Variants in AGO3 observed in about 807,000 individuals in gnomAD.
AGO3 encodes protein argonaute-3.
In AGO3, 16 loss-of-function variants were observed where a neutral mutation model predicts 105.5. That is an observed-to-expected ratio of 0.15 (90% confidence interval 0.10 to 0.23). AGO3 has a LOEUF of 0.23. AGO3 is among the 10% of genes least tolerant of loss of function. The pLI, the probability that AGO3 is intolerant of heterozygous loss-of-function variation, is 1.00. For synonymous variants in AGO3, 340 were observed against 367.3 expected, an observed-to-expected ratio of 0.93 and a Z score of 0.85; for missense variants, 534 against 1,088.0, an observed-to-expected ratio of 0.49 and a Z score of 7.16.
At chr1:35,947,925 C>G (rs748062223) in intron 2 of AGO3, among the ~76,000 whole-genome samples, 2 of 152,106 alleles carry the variant, frequency 1.3e-5, no homozygotes, top group African/African-American at 4.8e-5. Context: ...TTAGCTGAGC[C>G]ATGGGCCTGT....
At chr1:35,985,246 T>G (rs1271727856) in intron 5 of AGO3, among the ~76,000 whole-genome samples, 1 of 152,124 alleles carries the variant, frequency 6.6e-6, no homozygotes, top group Non-Finnish European at 1.5e-5. Context: ...CTCACCACTG[T>G]ACTCCAGCCT....
At chr1:36,018,719 C>T (rs1419088143) in intron 11 of AGO3, among the ~76,000 whole-genome samples, 4 of 152,282 alleles carry the variant, frequency 2.6e-5, no homozygotes, top group East Asian at 3.9e-4. Context: ...GCATGAGCCA[C>T]CACACCTGGC....
chr1:36,029,578 A>G (rs556914678), intron 12 of AGO3, among the ~76,000 whole-genome samples: 2 of 151,516 alleles, frequency 1.3e-5, no homozygotes, highest in African/African-American at 4.8e-5. Flanking sequence ...TGTATTTTTT[A>G]GTAGAGACAG....
intron 17 of AGO3, among the ~76,000 whole-genome samples, chr1:36,046,373 C>T (rs1642469707): frequency 6.6e-6 from 1 of 152,136 alleles, no homozygotes; most frequent in Admixed American, 6.6e-5. Flanking sequence ...GCACCTGTTA[C>T]ACCTTGTGCC....
At chr1:35,977,493 A>G (rs1489894614) in intron 5 of AGO3, among the ~76,000 whole-genome samples, 1 of 150,970 alleles carries the variant, frequency 6.6e-6, no homozygotes, top group African/African-American at 2.4e-5. Flanking sequence ...CCCAGGGTCA[A>G]GCGATCTTCC....
At chr1:36,018,667 G>T (rs1641043309) in intron 11 of AGO3, among the ~76,000 whole-genome samples, 1 of 152,136 alleles carries the variant, frequency 6.6e-6, no homozygotes, top group Admixed American at 6.5e-5. Flanking sequence ...TCCTGACCTC[G>T]TGATTCACCC....
chr1:36,014,163 ATT>A (rs762002662), intron 11 of AGO3, 115 bp downstream of exon 11: 2,854 of 1,123,412 alleles, frequency 2.5e-3, no homozygotes, highest in Middle Eastern at 3.4e-3. Flanking sequence ...TCACTGAACC[ATT>A]TTTTTTTTTT....
intron 1 of AGO3, among the ~76,000 whole-genome samples, chr1:35,937,789 T>C (rs1437780634): frequency 6.6e-6 from 1 of 152,134 alleles, no homozygotes; most frequent in Non-Finnish European, 1.5e-5. Flanking sequence ...ATGAGCCTAA[T>C]AATAAGTGCG....
chr1:35,935,753 C>A (rs1290295996), intron 1 of AGO3, among the ~76,000 whole-genome samples: 1 of 152,172 alleles, frequency 6.6e-6, no homozygotes, highest in African/African-American at 2.4e-5. Flanking sequence ...ATATAGCCAT[C>A]TAGTTTCACA....
chr1:35,971,522 A>G (rs1646870864), intron 3 of AGO3, among the ~76,000 whole-genome samples: 1 of 151,930 alleles, frequency 6.6e-6, no homozygotes, highest in Non-Finnish European at 1.5e-5. Context: ...AAAGTATACC[A>G]AAACATATAC....
At chr1:35,988,466 A>G (rs1647318119) in intron 5 of AGO3, among the ~76,000 whole-genome samples, 1 of 152,046 alleles carries the variant, frequency 6.6e-6, no homozygotes, top group Admixed American at 6.6e-5. Context: ...CTGGGTAACT[A>G]CCATTCTAAC....
chr1:35,989,190 C>T (rs1003822032), intron 5 of AGO3, among the ~76,000 whole-genome samples: 2 of 151,976 alleles, frequency 1.3e-5, no homozygotes, highest in Non-Finnish European at 2.9e-5. Flanking sequence ...GGGAGCTAGG[C>T]GAAATTGGTG....
intron 1 of AGO3, among the ~76,000 whole-genome samples, chr1:35,940,085 G>A (rs1265132950): frequency 7.3e-6 from 1 of 137,170 alleles, no homozygotes; most frequent in African/African-American, 2.7e-5. Context: ...TTTTTTTTTT[G>A]AGATACAGTC....
At chr1:35,937,677 G>A (rs535993069) in intron 1 of AGO3, among the ~76,000 whole-genome samples, 3 of 152,226 alleles carry the variant, frequency 2.0e-5, no homozygotes, top group Non-Finnish European at 4.4e-5. Flanking sequence ...ACCACAGTGC[G>A]AGATTCTGCT....
Position 36,067,427 on chromosome 1 carries a change from AG to A in AGO3, c.*11684del, listed in dbSNP as rs1424168097. ...ATTCCCTCTTTAAAAAAGAAAGAAT[AG>A]GCCGGGAGCAGTGGCTCATGCCTGC... On this transcript the variant is annotated 3_prime_UTR_variant, in exon 19 of 19. Transcript: ENST00000373191. The A allele has an allele frequency of 6.6e-6, 1 of 152,230 alleles. No individual in the cohort carries two copies. Among genetic ancestry groups the A allele is most frequent in the Non-Finnish European group, 1.5e-5 (1 of 68,068 alleles). The allele number at this position is 152,230 out of a possible 1,614,324, so 9.4% of individuals were successfully genotyped here.
At chr1:35,972,302 G>T in intron 4 of AGO3, 70 bp downstream of exon 4, 1 of 1,478,800 alleles carries the variant, frequency 6.8e-7, no homozygotes, top group South Asian at 1.2e-5. Context: ...GCTTCCCTTG[G>T]TTAAACCTTT....
At chr1:36,045,791 C>T (rs1244482827) in intron 17 of AGO3, among the ~76,000 whole-genome samples, 1 of 152,156 alleles carries the variant, frequency 6.6e-6, no homozygotes, top group Non-Finnish European at 1.5e-5. Context: ...GATCCACTTG[C>T]CTCAGCCTCT....
rs984368413 is a variant in AGO3 at position 35,989,060 on chromosome 1, G to T, written c.659-15281G>T. ...ACTTGAAATCAGCTGGAGAAGACTG[G>T]TAATTGAGCACTATAATAAGTACTG... On this transcript the variant is annotated intron_variant, in intron 5 of 18. Transcript: ENST00000373191. 6.6e-5 allele frequency among the ~76,000 whole-genome samples: 10 copies of T among 152,302 alleles called. No individual in the cohort carries two copies. In the Middle Eastern group the frequency reaches 0.01, roughly 155 times the overall value.
chr1:35,982,572 T>C, intron 5 of AGO3: 2 of 712,562 alleles, frequency 2.8e-6, no homozygotes, highest in Admixed American at 4.1e-5. Context: ...ATAGGGATAC[T>C]TCAAAGGTTT....
Sources: gnomAD v4.1 joint callset for allele counts (sites outside exome capture counted in the v4.1 genomes callset) on GRCh38, gnomAD v4.1.1 for gene constraint, MANE v1.5 for transcripts, NCBI Gene and HGNC (gene_info 2026-07-23, HGNC 2026-07-21) for gene names.